The following NPHP1 variants were observed in gnomAD, a reference collection of about 807,000 sequenced individuals.
The protein encoded by NPHP1 is nephrocystin-1.
Under a neutral mutation model 90.4 loss-of-function variants are expected in NPHP1, and 70 were observed. The ratio of observed to expected loss-of-function variants is 0.77; its 90% confidence interval spans 0.64 to 0.95. The LOEUF (loss-of-function observed/expected upper bound fraction) is 0.95. Ranked by LOEUF, NPHP1 falls within the 40% of genes least tolerant of loss-of-function variation. The pLI, the probability that NPHP1 is intolerant of heterozygous loss-of-function variation, is 0.00. For missense variants in NPHP1, 764 were observed against 795.9 expected, an observed-to-expected ratio of 0.96 and a Z score of 0.48; for synonymous variants, 256 against 271.7, an observed-to-expected ratio of 0.94 and a Z score of 0.57.
At chr2:110,180,433 T>TTA (rs1275704081) in intron 2 of NPHP1, among the ~76,000 whole-genome samples, 1 of 150,960 alleles carries the variant, frequency 6.6e-6, no homozygotes, top group Non-Finnish European at 1.5e-5. Context: ...AGTCACTTTT[T>TTA]TATGCCGTTT....
At chr2:110,201,573 T>C (rs2104715425) in intron 1 of NPHP1, 79 bp from the exon 2 acceptor site, 1 of 1,001,672 alleles carries the variant, frequency 1.0e-6, no homozygotes, top group East Asian at 2.5e-5. Flanking sequence ...TTATCCAATA[T>C]TTTATAATGA....
chr2:110,191,159 C>CCCT (rs1684702133), intron 2 of NPHP1, among the ~76,000 whole-genome samples: 1 of 152,110 alleles, frequency 6.6e-6, no homozygotes, highest in Admixed American at 6.5e-5. Context: ...GACTATCAGA[C>CCCT]AGTGGGTGCA....
intron 2 of NPHP1, among the ~76,000 whole-genome samples, chr2:110,199,975 G>C (rs552566656): frequency 6.6e-6 from 1 of 152,104 alleles, no homozygotes; most frequent in Non-Finnish European, 1.5e-5. Flanking sequence ...TAATTATTAG[G>C]GGCCGGGCGC....
intron 7 of NPHP1, 36 bp downstream of exon 7, chr2:110,165,016 C>T: frequency 6.7e-7 from 1 of 1,494,588 alleles, no homozygotes; most frequent in Non-Finnish European, 9.3e-7. Context: ...AAAATGTTTC[C>T]TAAACCTACT....
At chr2:110,161,410 G>A (rs1191202887) in intron 10 of NPHP1, among the ~76,000 whole-genome samples, 193 bp downstream of exon 10, 1 of 152,148 alleles carries the variant, frequency 6.6e-6, no homozygotes, top group Non-Finnish European at 1.5e-5. Context: ...CAATGGAGAA[G>A]AGAAACAAGA....
At chr2:110,199,468 G>A (rs1324361817) in intron 2 of NPHP1, among the ~76,000 whole-genome samples, 1 of 151,764 alleles carries the variant, frequency 6.6e-6, no homozygotes, top group Non-Finnish European at 1.5e-5. Context: ...GTTGAAATAG[G>A]TAATAAAGAA....
At chr2:110,126,625 A>C (rs1257056844) in intron 18 of NPHP1, 2 of 152,606 alleles carry the variant, frequency 1.3e-5, no homozygotes, top group Non-Finnish European at 2.9e-5. Flanking sequence ...AGAGTGTTTT[A>C]CTAAACAGGC....
chr2:110,169,320 C>T (rs1682948036), intron 5 of NPHP1, among the ~76,000 whole-genome samples: 1 of 152,062 alleles, frequency 6.6e-6, no homozygotes, highest in South Asian at 2.1e-4. Flanking sequence ...TGGCTCATTT[C>T]TCTAGCAGAA....
chr2:110,160,442 A>G (rs1160178954), intron 10 of NPHP1, among the ~76,000 whole-genome samples, 187 bp from the exon 11 acceptor site: 1 of 144,936 alleles, frequency 6.9e-6, no homozygotes, highest in African/African-American at 2.6e-5. Flanking sequence ...TAAATTTTTC[A>G]TAGAGTTACA....
chr2:110,125,242 A>T lies in NPHP1; in HGVS notation c.1761+395T>A, dbSNP rs769483039. ...ACCATGATTTTATAGCAAGGTAAGC[A>T]GGAGCAATGCATTGTTTTCAATATA... On this transcript the variant is annotated intron_variant, in intron 19 of 19. Transcript: ENST00000445609. 5.0e-5 allele frequency: 77 copies of T among 1,536,060 alleles called. 1 individual carries two copies. The highest frequency in any genetic ancestry group is 6.6e-5 in the Non-Finnish European group (76 of 1,146,772).
chr2:110,161,739 A>C, intron 9 of NPHP1, 42 bp from the exon 10 acceptor site: 1 of 1,442,760 alleles, frequency 6.9e-7, no homozygotes, highest in Non-Finnish European at 9.7e-7. Context: ...CAAAGAAAGA[A>C]ACTCCAAATC....
chr2:110,169,663 A>T (rs941627066), intron 5 of NPHP1, 143 bp downstream of exon 5: 6 of 663,864 alleles, frequency 9.0e-6, no homozygotes, highest in Non-Finnish European at 1.6e-5. Flanking sequence ...ACTGCTTGTA[A>T]ATTGTAATTA....
At chr2:110,186,157 C>A (rs905857433) in intron 2 of NPHP1, among the ~76,000 whole-genome samples, 8 of 152,136 alleles carry the variant, frequency 5.3e-5, no homozygotes, top group Admixed American at 4.6e-4. Context: ...GGTAGCTATA[C>A]TCAAAGACAC....
intron 4 of NPHP1, 190 bp downstream of exon 4, chr2:110,178,233 G>T: frequency 1.6e-6 from 1 of 612,642 alleles, no homozygotes. Flanking sequence ...CAGAGACTAT[G>T]ACTTACACTT....
chr2:110,148,689 G>C (rs1328471244), intron 12 of NPHP1, among the ~76,000 whole-genome samples: 1 of 151,970 alleles, frequency 6.6e-6, no homozygotes, highest in East Asian at 1.9e-4. Context: ...ACTGTGCCTA[G>C]GTCTCCAGAG....
chr2:110,157,748 T>C (rs73954627), intron 11 of NPHP1, among the ~76,000 whole-genome samples: 7,341 of 152,194 alleles, frequency 0.048, 581 homozygotes, highest in African/African-American at 0.16. Flanking sequence ...TAAGTTATCA[T>C]CACCACCTCT....
At chr2:110,167,182 T>C (rs73954629) in intron 6 of NPHP1, among the ~76,000 whole-genome samples, 1,718 of 152,232 alleles carry the variant, frequency 0.011, 28 homozygotes, top group African/African-American at 0.04. Flanking sequence ...ACCCTTGGAA[T>C]TTCCTGAATG....
At chr2:110,172,780 AAAAC>A (rs1683231987) in intron 4 of NPHP1, among the ~76,000 whole-genome samples, 1 of 152,184 alleles carries the variant, frequency 6.6e-6, no homozygotes, top group Non-Finnish European at 1.5e-5. Context: ...CCCTGTCTCC[AAAAC>A]AAACAAACAA....
At chr2:110,130,715 G>A (rs747209604) in intron 17 of NPHP1, among the ~76,000 whole-genome samples, 34 of 151,936 alleles carry the variant, frequency 2.2e-4, no homozygotes, top group Non-Finnish European at 4.6e-4. Flanking sequence ...TCTTTCCTTG[G>A]GTCTTCAGAC....
Sources: gnomAD v4.1 joint callset for allele counts (sites outside exome capture counted in the v4.1 genomes callset) on GRCh38, gnomAD v4.1.1 for gene constraint, MANE v1.5 for transcripts, NCBI Gene and HGNC (gene_info 2026-07-23, HGNC 2026-07-21) for gene names.